The following WNK1 variants were observed in gnomAD, a reference collection of about 807,000 sequenced individuals.
WNK1 encodes the protein WNK lysine deficient protein kinase 1, also known as serine/threonine-protein kinase WNK1.
In WNK1, 38 loss-of-function variants were observed where a neutral mutation model predicts 222.8. The ratio of observed to expected loss-of-function variants is 0.17; its 90% CI spans 0.13 to 0.22. The LOEUF (loss-of-function observed/expected upper bound fraction) is 0.22, where lower values mean the gene tolerates loss of function less well. Ranked by LOEUF, WNK1 falls within the 10% of genes least tolerant of loss-of-function variation. The pLI is 1.00. For missense variants in WNK1, 2,348 were observed against 2,918.4 expected (o/e 0.80, Z 4.50); for synonymous variants, 1,090 against 1,092.9 (o/e 1.00, Z 0.05).
chr12:762,396 A>G (rs1262644436), intron 1 of WNK1, among the ~76,000 whole-genome samples: 1 of 147,778 alleles, frequency 6.8e-6, no homozygotes, highest in Non-Finnish European at 1.5e-5. Context: ...ACCTAATACA[A>G]TGTAAGTGCT....
intron 4 of WNK1, among the ~76,000 whole-genome samples, chr12:856,768 C>G (rs1280188740): frequency 6.6e-6 from 1 of 152,306 alleles, no homozygotes; most frequent in African/African-American, 2.4e-5. Flanking sequence ...CACATGGGTT[C>G]AGTGTTCAAA....
Position 845,449 on chromosome 12 carries a change from T to C in WNK1, c.1312-11712T>C, listed in dbSNP as rs1949963595. On this transcript the variant is annotated intron_variant, in intron 4 of 27. Transcript: ENST00000315939. The stretch of plus-strand genomic sequence containing the variant: ...GCTATTAGTAACCAGTAAACCACTC[T>C]CCCCCTTCTGTAGATTTAGTACTAA... 2.0e-5 allele frequency among the ~76,000 whole-genome samples: 3 copies of C among 152,158 alleles called. No homozygotes were observed. In the South Asian group the frequency reaches 6.2e-4, roughly 32 times the overall value.
intron 1 of WNK1, among the ~76,000 whole-genome samples, chr12:795,145 A>G (rs1305977869): frequency 6.6e-6 from 1 of 152,038 alleles, no homozygotes; most frequent in African/African-American, 2.4e-5. Flanking sequence ...TATTTTTTGG[A>G]AGAATTTGTG....
chr12:766,754 G>A (rs1034739917), intron 1 of WNK1, among the ~76,000 whole-genome samples: 11 of 151,186 alleles, frequency 7.3e-5, no homozygotes, highest in African/African-American at 2.7e-4. Flanking sequence ...TGGGATGACA[G>A]GTGTGAGCCA....
chr12:847,997 G>A (rs975499899), intron 4 of WNK1, among the ~76,000 whole-genome samples: 3 of 151,644 alleles, frequency 2.0e-5, no homozygotes, highest in Admixed American at 6.6e-5. Flanking sequence ...TAGTAGAGAC[G>A]GGGTTTCACC....
rs1344773986 is a variant in WNK1 at position 885,942 on chromosome 12, C to T, written c.5138C>T (p.Pro1713Leu). Residue 1713 changes from proline (P) to leucine (L), a missense_variant, in exon 19 of 28, where the codon CCA becomes CTA. Physicochemically the swap from Pro to Leu is moderately conservative, Grantham distance 98. Coordinates refer to ENST00000315939, the MANE Select transcript of WNK1 (RefSeq NM_018979.4). Reference protein sequence around the residue: ...LTSTTSTCLPPTNLPLGTVAL... With the variant: ...LTSTTSTCLPLTNLPLGTVAL... Reference sequence around the variant, plus strand: ...TCTACCACAAGTACTTGCTTACCACCAACCAATTTACCACTAGGAACAGTT... The same window carrying T: ...TCTACCACAAGTACTTGCTTACCACTAACCAATTTACCACTAGGAACAGTT... 6.3e-7 allele frequency: 1 copy of T among 1,597,486 alleles called. No individual in the cohort carries two copies. The highest frequency in any genetic ancestry group is 8.5e-7 in the Non-Finnish European group (1 of 1,171,552).
At chr12:879,062 G>C (rs1173628777) in intron 10 of WNK1, among the ~76,000 whole-genome samples, 1 of 152,128 alleles carries the variant, frequency 6.6e-6, no homozygotes, top group Non-Finnish European at 1.5e-5. Context: ...CCTAGAATGA[G>C]TGAAATATGT....
Position 796,593 on chromosome 12 carries a change from T to G in WNK1, c.760-17049T>G, listed in dbSNP as rs374153340. On this transcript the variant is annotated intron_variant, in intron 1 of 27. Coordinates refer to ENST00000315939, the MANE Select transcript of WNK1 (RefSeq NM_018979.4). ...GCCCAGCTGAAATCTCAAATTGAAG[T>G]TGAATGATCAATTTGGGATAACTTA... Among the ~76,000 whole-genome samples the G allele has an allele frequency of 1.3e-3, 202 of 152,310 alleles. 4 individuals carry two copies. The South Asian group carries it at 0.034, about 25-fold the overall frequency.
At chr12:785,391 C>A (rs995165643) in intron 1 of WNK1, among the ~76,000 whole-genome samples, 15 of 126,700 alleles carry the variant, frequency 1.2e-4, no homozygotes, top group Non-Finnish European at 2.1e-4. Context: ...ACGTCCATAT[C>A]ATTTTCTCCC....
rs767548313 is a variant in WNK1 at position 761,607 on chromosome 12, A to G, written c.759+7283A>G. ...AAACACACACTAATGTATAAACCAAACAGTGAGAGATGAAATTAATTAGTG... is the reference window on the plus strand; with the variant it reads ...AAACACACACTAATGTATAAACCAAGCAGTGAGAGATGAAATTAATTAGTG... On this transcript the variant is annotated intron_variant, in intron 1 of 27. Transcript: ENST00000315939. Among the ~76,000 whole-genome samples the G allele has an allele frequency of 1.4e-5, 2 of 147,890 alleles. 1 individual carries two copies. Among genetic ancestry groups the G allele is most frequent in the Non-Finnish European group, 3.0e-5 (2 of 66,152 alleles).
intron 8 of WNK1, among the ~76,000 whole-genome samples, chr12:867,482 CT>C (rs1951772119): frequency 1.3e-5 from 2 of 152,130 alleles, no homozygotes; most frequent in South Asian, 4.1e-4. Flanking sequence ...GCTTTTATGC[CT>C]TGTTTTAGTT....
chr12:770,641 T>C (rs1942365059), intron 1 of WNK1, among the ~76,000 whole-genome samples: 1 of 152,204 alleles, frequency 6.6e-6, no homozygotes, highest in African/African-American at 2.4e-5. Flanking sequence ...ACCTTCCTTT[T>C]TGTGGTTTCT....
chr12:838,259 C>A (rs1403610611), intron 4 of WNK1, among the ~76,000 whole-genome samples: 1 of 152,020 alleles, frequency 6.6e-6, no homozygotes, highest in African/African-American at 2.4e-5. Context: ...TAGATATATA[C>A]CTAGAAGTGA....
At chr12:809,279 A>G (rs1438428613) in intron 1 of WNK1, among the ~76,000 whole-genome samples, 1 of 138,296 alleles carries the variant, frequency 7.2e-6, no homozygotes, top group Non-Finnish European at 1.5e-5. Flanking sequence ...AACTGGTGCT[A>G]TTTCAGAATG....
chr12:804,699 A>C (rs1946198422), intron 1 of WNK1, among the ~76,000 whole-genome samples: 1 of 151,802 alleles, frequency 6.6e-6, no homozygotes, highest in Non-Finnish European at 1.5e-5. Flanking sequence ...AGCTCTTAAA[A>C]ACTGAGTCCC....
At chr12:861,893 A>G (rs1307690420) in intron 7 of WNK1, among the ~76,000 whole-genome samples, 190 bp from the exon 8 acceptor site, 2 of 152,232 alleles carry the variant, frequency 1.3e-5, no homozygotes, top group Admixed American at 6.5e-5. Context: ...TGATAGCCAT[A>G]TGGATTCCTC....
chr12:868,671 G>T (rs754778552), intron 8 of WNK1: 1 of 1,613,948 alleles, frequency 6.2e-7, no homozygotes, highest in East Asian at 2.2e-5. Flanking sequence ...GGAGAAGGAG[G>T]TGGAATTTTA....
At chr12:842,457 T>C (rs1949698402) in intron 4 of WNK1, among the ~76,000 whole-genome samples, 1 of 152,200 alleles carries the variant, frequency 6.6e-6, no homozygotes, top group African/African-American at 2.4e-5. Flanking sequence ...TTTAACTCTT[T>C]CCATTATGGG....
intron 1 of WNK1, among the ~76,000 whole-genome samples, chr12:805,006 A>G (rs953234805): frequency 6.7e-6 from 1 of 150,150 alleles, no homozygotes. Flanking sequence ...ATATTTATAT[A>G]TTTTGTTTTC....
Sources: allele counts gnomAD v4.1 joint callset (sites outside exome capture counted in the v4.1 genomes callset), GRCh38; gene constraint gnomAD v4.1.1; transcripts MANE v1.5; gene names NCBI Gene and HGNC (gene_info 2026-07-23, HGNC 2026-07-21).